CELF2: variants seen among roughly 807,000 people sequenced by gnomAD.
CELF2 encodes CUGBP Elav-like family member 2.
CELF2 carries 8 observed loss-of-function variants against 62.6 expected under a neutral mutation model. That is an observed-to-expected ratio of 0.13 (90% CI 0.07 to 0.23). CELF2 has a LOEUF of 0.23. Ranked by LOEUF, CELF2 falls within the 10% of genes least tolerant of loss-of-function variation. CELF2 has a pLI of 1.00. For synonymous variants in CELF2, 258 were observed against 250.0 expected, an observed-to-expected ratio of 1.03 and a Z score of -0.30; for missense variants, 333 against 671.0, an observed-to-expected ratio of 0.50 and a Z score of 5.56.
At chr10:11,072,806 TC>T (rs1162637477) in intron 1 of CELF2, among the ~76,000 whole-genome samples, 1 of 147,092 alleles carries the variant, frequency 6.8e-6, no homozygotes, top group Non-Finnish European at 1.5e-5. Flanking sequence ...TTTAGGTGAA[TC>T]CTGATTTCCC....
the CELF2 span, among the ~76,000 whole-genome samples, chr10:10,586,741 G>A: frequency 6.6e-6 from 1 of 152,044 alleles, no homozygotes; most frequent in South Asian, 2.1e-4. Flanking sequence ...ACTAGAATTT[G>A]CTAAAATACA....
At chr10:10,808,478 G>C (rs1394269048) in intron 1 of CELF2, among the ~76,000 whole-genome samples, 1 of 152,032 alleles carries the variant, frequency 6.6e-6, no homozygotes, top group African/African-American at 2.4e-5. Flanking sequence ...AAGTCAGTTT[G>C]GTATCATGAA....
the CELF2 span, among the ~76,000 whole-genome samples, chr10:10,703,685 A>G: frequency 6.6e-6 from 1 of 152,326 alleles, no homozygotes; most frequent in East Asian, 1.9e-4. Flanking sequence ...AAGGGAGAGG[A>G]GGAGAAGAGA....
At chr10:10,999,530 G>A (rs1273409651) in intron 2 of CELF2, among the ~76,000 whole-genome samples, 2 of 152,208 alleles carry the variant, frequency 1.3e-5, no homozygotes, top group Non-Finnish European at 2.9e-5. Flanking sequence ...GAGCCCAGGA[G>A]TTCAAGGCTG....
chr10:11,225,117 TAATG>T lies in CELF2; in HGVS notation c.354+7613_354+7616del, dbSNP rs202072428. The stretch of plus-strand genomic sequence containing the variant: ...ACATAAGCTGTTGAAGTTGGTTTGA[TAATG>T]AAGGAATATTTCAGGCCCGTACCCT... On this transcript the variant is annotated intron_variant, in intron 3 of 12. Coordinates refer to ENST00000633077, the MANE Select transcript of CELF2 (RefSeq NM_001326342.2). Among the ~76,000 whole-genome samples, 225 of 151,436 alleles carry T rather than the reference TAATG, an allele frequency of 1.5e-3. 2 individuals carry two copies. Among genetic ancestry groups the T allele is most frequent in the Non-Finnish European group, 2.7e-3 (181 of 68,024 alleles).
chr10:10,462,719 G>A, the CELF2 span, among the ~76,000 whole-genome samples: 2 of 145,790 alleles, frequency 1.4e-5, no homozygotes, highest in Non-Finnish European at 3.0e-5. Context: ...TGAGGGGTTA[G>A]CGTATAATGA....
chr10:10,753,574 C>T, the CELF2 span, among the ~76,000 whole-genome samples: 2 of 152,176 alleles, frequency 1.3e-5, no homozygotes, highest in African/African-American at 4.8e-5. Context: ...GACCGGGAAA[C>T]ACACTACCAT....
intron 1 of CELF2, among the ~76,000 whole-genome samples, chr10:11,065,179 G>A (rs2067763992): frequency 6.6e-6 from 1 of 152,206 alleles, no homozygotes; most frequent in Non-Finnish European, 1.5e-5. Flanking sequence ...GAGGTGGTCA[G>A]TGTATCTTGG....
chr10:10,479,917 A>G, the CELF2 span, among the ~76,000 whole-genome samples: 17 of 152,310 alleles, frequency 1.1e-4, no homozygotes, highest in African/African-American at 3.4e-4. Context: ...GTAACTGTGC[A>G]TTCATTGTCT....
chr10:11,148,185 G>A (rs1374248431), intron 1 of CELF2, among the ~76,000 whole-genome samples: 3 of 152,150 alleles, frequency 2.0e-5, no homozygotes, highest in African/African-American at 7.2e-5. Flanking sequence ...AGAGTAAAAG[G>A]TATTTCAGCC....
chr10:11,116,942 CAT>C (rs1396856431), intron 1 of CELF2, among the ~76,000 whole-genome samples: 3 of 152,170 alleles, frequency 2.0e-5, no homozygotes, highest in African/African-American at 7.2e-5. Context: ...ACATGACAGT[CAT>C]ATGATTTAAG....
At chr10:11,288,372 A>C in intron 8 of CELF2, 46 bp from the exon 9 acceptor site, 1 of 1,606,840 alleles carries the variant, frequency 6.2e-7, no homozygotes, top group Non-Finnish European at 8.5e-7. Context: ...GAAACTGTAG[A>C]AGTGTGAGGC....
chr10:11,221,060 T>G (rs2064720861), intron 3 of CELF2, among the ~76,000 whole-genome samples: 1 of 152,226 alleles, frequency 6.6e-6, no homozygotes, highest in Admixed American at 6.5e-5. Context: ...TTGAGATGCC[T>G]AGTAAGTAGA....
At chr10:11,045,586 C>A (rs766335517) in intron 1 of CELF2, among the ~76,000 whole-genome samples, 2 of 152,166 alleles carry the variant, frequency 1.3e-5, no homozygotes, top group Non-Finnish European at 2.9e-5. Flanking sequence ...GCAATTATTA[C>A]TATTAAAACA....
chr10:11,001,816 A>C (rs1042100417), upstream of CELF2, among the ~76,000 whole-genome samples: 1 of 152,130 alleles, frequency 6.6e-6, no homozygotes, highest in Non-Finnish European at 1.5e-5. Context: ...CTACCAACCA[A>C]ATATAGTAAT....
intron 1 of CELF2, among the ~76,000 whole-genome samples, chr10:11,140,336 C>T (rs140273578): frequency 1.3e-5 from 2 of 152,030 alleles, no homozygotes; most frequent in South Asian, 4.1e-4. Context: ...GAACTCCTGG[C>T]CTCCGGTGAT....
chr10:11,015,067 A>T (rs1156904035), upstream of CELF2, among the ~76,000 whole-genome samples: 1 of 152,200 alleles, frequency 6.6e-6, no homozygotes, highest in African/African-American at 2.4e-5. This position sits in a 1 kb window ranked among gnomAD's most constrained non-coding sequence, Gnocchi z 4.8. Flanking sequence ...TGACTATAAA[A>T]TAGCTTCATT....
At chr10:10,708,108 T>C in the CELF2 span, among the ~76,000 whole-genome samples, 4 of 152,178 alleles carry the variant, frequency 2.6e-5, no homozygotes, top group South Asian at 2.1e-4. Context: ...AAACACCACA[T>C]ATTTGAGGCA....
the CELF2 span, among the ~76,000 whole-genome samples, chr10:10,614,117 C>A: frequency 6.6e-6 from 1 of 152,076 alleles, no homozygotes; most frequent in African/African-American, 2.4e-5. Context: ...AATGTTTGTG[C>A]AAAGGAGACT....
Sources: allele counts gnomAD v4.1 joint callset (sites outside exome capture counted in the v4.1 genomes callset), GRCh38; gene constraint gnomAD v4.1.1; non-coding constraint Gnocchi (gnomAD v3.1); transcripts MANE v1.5; gene names NCBI Gene and HGNC (gene_info 2026-07-23, HGNC 2026-07-21).